CASD1: variants seen among roughly 807,000 people sequenced by gnomAD.
The protein encoded by CASD1 is N-acetylneuraminate (7)9-O-acetyltransferase.
Under a neutral mutation model 100.0 loss-of-function variants are expected in CASD1, and 41 were observed. That is an observed-to-expected ratio of 0.41 (90% confidence interval 0.32 to 0.53). The LOEUF is 0.53. Among genes scored for constraint, CASD1 ranks in the 20% least tolerant of loss-of-function variants. The pLI, the probability that CASD1 is intolerant of heterozygous loss-of-function variation, is 0.25. For missense variants in CASD1, 774 were observed against 948.7 expected (o/e 0.82, Z 2.42); for synonymous variants, 321 against 315.6 (o/e 1.02, Z -0.18).
At chr7:94,522,783 C>T (rs1794352552) in intron 3 of CASD1, among the ~76,000 whole-genome samples, 1 of 152,016 alleles carries the variant, frequency 6.6e-6, no homozygotes, top group Non-Finnish European at 1.5e-5. Context: ...TCAGCCTCCC[C>T]AGTAGCTGGG....
At chr7:94,549,431 C>T (rs1795837504) in intron 13 of CASD1, 102 bp from the exon 14 acceptor site, 1 of 688,964 alleles carries the variant, frequency 1.5e-6, no homozygotes, top group Non-Finnish European at 2.4e-6. Flanking sequence ...GTGAATGACT[C>T]TTATATAATC....
At chr7:94,617,564 T>C in the CASD1 span, 1 of 152,326 alleles carries the variant, frequency 6.6e-6, no homozygotes, top group South Asian at 2.1e-4. Flanking sequence ...AAGAGAACCA[T>C]GTTGTAACTG....
the CASD1 span, among the ~76,000 whole-genome samples, chr7:94,609,156 T>C: frequency 4.6e-5 from 7 of 152,214 alleles, no homozygotes; most frequent in African/African-American, 1.7e-4. Flanking sequence ...ATTTGCAAAA[T>C]GCATATCTGA....
At chr7:94,549,714 C>G (rs1795853285) in intron 14 of CASD1, 80 bp downstream of exon 14, 1 of 1,031,708 alleles carries the variant, frequency 9.7e-7, no homozygotes, top group Admixed American at 2.3e-5. Flanking sequence ...TCTATCTATA[C>G]TTAGTTTCAG....
chr7:94,541,351 T>C (rs1359016170), intron 10 of CASD1, among the ~76,000 whole-genome samples: 2 of 151,832 alleles, frequency 1.3e-5, no homozygotes, highest in East Asian at 3.8e-4. Context: ...GTTTTTATGC[T>C]AAAAGATAAC....
intron 12 of CASD1, 22 bp from the exon 13 acceptor site, chr7:94,547,074 A>G: frequency 6.7e-7 from 1 of 1,483,456 alleles, no homozygotes; most frequent in Non-Finnish European, 9.3e-7. Context: ...TTTTTTAGTA[A>G]ATTAAATATT....
the CASD1 span, among the ~76,000 whole-genome samples, chr7:94,568,045 C>G: frequency 6.6e-6 from 1 of 151,946 alleles, no homozygotes. Flanking sequence ...ATAAGAATTG[C>G]AAGAAAACCT....
At chr7:94,613,226 G>A in the CASD1 span, among the ~76,000 whole-genome samples, 1 of 152,142 alleles carries the variant, frequency 6.6e-6, no homozygotes, top group Non-Finnish European at 1.5e-5. Flanking sequence ...GAATCACTAA[G>A]TTTGAACACA....
chr7:94,528,488 G>C (rs558785260), intron 5 of CASD1, among the ~76,000 whole-genome samples: 3 of 152,172 alleles, frequency 2.0e-5, no homozygotes, highest in Admixed American at 2.0e-4. Flanking sequence ...GTTTATCCCA[G>C]ACTTTTCATA....
At chr7:94,571,815 G>T in the CASD1 span, among the ~76,000 whole-genome samples, 1 of 151,662 alleles carries the variant, frequency 6.6e-6, no homozygotes, top group African/African-American at 2.4e-5. Flanking sequence ...GCTGCCAAAA[G>T]TGTGGCACAA....
intron 10 of CASD1, among the ~76,000 whole-genome samples, chr7:94,541,696 T>A (rs766385207): frequency 7.9e-5 from 12 of 151,824 alleles, no homozygotes; most frequent in Non-Finnish European, 1.5e-4. Flanking sequence ...AAGTTGAAAT[T>A]TCATGCATAT....
At chr7:94,631,771 A>G in the CASD1 span, among the ~76,000 whole-genome samples, 1 of 151,922 alleles carries the variant, frequency 6.6e-6, no homozygotes, top group Admixed American at 6.6e-5. Context: ...TCCTGCTAAA[A>G]AGTCATTTCA....
chr7:94,562,716 C>T, the CASD1 span, among the ~76,000 whole-genome samples: 1 of 151,888 alleles, frequency 6.6e-6, no homozygotes, highest in Admixed American at 6.6e-5. Context: ...TTTGAAATTG[C>T]TGCTCTGTGG....
downstream of CASD1, chr7:94,557,148 G>T (rs1174529120): frequency 6.6e-6 from 1 of 152,064 alleles, no homozygotes; most frequent in Non-Finnish European, 1.5e-5. Context: ...TTAGTTATCA[G>T]AGCTTCAGAG....
intron 9 of CASD1, 43 bp from the exon 10 acceptor site, chr7:94,538,921 TTTC>T (rs776346341): frequency 1.9e-6 from 2 of 1,040,196 alleles, no homozygotes; most frequent in Admixed American, 2.1e-5. Context: ...CGTTAAATAA[TTTC>T]TTCATGATAA....
At chr7:94,516,755 CTT>C (rs763055518) in intron 1 of CASD1, among the ~76,000 whole-genome samples, 12 of 151,954 alleles carry the variant, frequency 7.9e-5, no homozygotes, top group Non-Finnish European at 1.0e-4. Context: ...TAGAGTGACT[CTT>C]TGTCTCAGTT....
At chr7:94,570,024 A>C in the CASD1 span, among the ~76,000 whole-genome samples, 1 of 151,958 alleles carries the variant, frequency 6.6e-6, no homozygotes, top group Non-Finnish European at 1.5e-5. Context: ...CATGTTAGAC[A>C]GGATGGTCTT....
intron 1 of CASD1, among the ~76,000 whole-genome samples, chr7:94,515,635 A>G (rs1793942504): frequency 6.6e-6 from 1 of 152,096 alleles, no homozygotes; most frequent in Non-Finnish European, 1.5e-5. Context: ...ATAGATGCAT[A>G]ATCCCAGACA....
chr7:94,627,763 G>C, the CASD1 span: 9 of 165,172 alleles, frequency 5.4e-5, no homozygotes, highest in African/African-American at 2.2e-4. Flanking sequence ...AAGAAGACTG[G>C]GCAAGATTCA....
Sources: gnomAD v4.1 joint callset for allele counts (sites outside exome capture counted in the v4.1 genomes callset) on GRCh38, gnomAD v4.1.1 for gene constraint, MANE v1.5 for transcripts, NCBI Gene and HGNC (gene_info 2026-07-23, HGNC 2026-07-21) for gene names.